The following ASIC2 variants were observed in gnomAD, a reference collection of about 807,000 sequenced individuals.
ASIC2 encodes the protein acid-sensing ion channel 2.
ASIC2 carries 25 observed loss-of-function variants against 57.3 expected under a neutral mutation model. That is an observed-to-expected ratio of 0.44 (90% CI 0.32 to 0.61). The LOEUF is 0.61. ASIC2 is among the 20% of genes least tolerant of loss of function. ASIC2 has a pLI of 0.06. For missense variants in ASIC2, 641 were observed against 738.1 expected (o/e 0.87, Z 1.52); for synonymous variants, 319 against 307.5 (o/e 1.04, Z -0.39).
chr17:33,936,420 C>T (rs879369933), intron 1 of ASIC2: 3 of 152,202 alleles, frequency 2.0e-5, no homozygotes, highest in African/African-American at 7.2e-5. Flanking sequence ...GACATGGCTC[C>T]TGTAAGTGCC....
intron 1 of ASIC2, among the ~76,000 whole-genome samples, chr17:33,192,882 T>C (rs934485181): frequency 2.0e-5 from 3 of 152,204 alleles, no homozygotes; most frequent in African/African-American, 7.2e-5. Context: ...TTTTCCGCCA[T>C]GTGATTAAAT....
intron 1 of ASIC2, among the ~76,000 whole-genome samples, chr17:33,305,724 T>C (rs1247140960): frequency 6.6e-6 from 1 of 152,112 alleles, no homozygotes; most frequent in Non-Finnish European, 1.5e-5. Context: ...AAGGACAGGA[T>C]CTATTGCAGA....
At chr17:33,441,213 T>A (rs577952757) in intron 1 of ASIC2, among the ~76,000 whole-genome samples, 142 of 152,294 alleles carry the variant, frequency 9.3e-4, no homozygotes, top group Non-Finnish European at 1.8e-3. Flanking sequence ...TGGACTCAAG[T>A]GGTCCTCCCA....
At chr17:34,097,410 T>C (rs913179028) in intron 1 of ASIC2, among the ~76,000 whole-genome samples, 4 of 152,158 alleles carry the variant, frequency 2.6e-5, no homozygotes, top group Admixed American at 6.5e-5. Context: ...CTCTACATGT[T>C]GTGGGTTGAA....
chr17:33,861,646 C>T (rs1914104763), intron 1 of ASIC2, among the ~76,000 whole-genome samples: 3 of 152,160 alleles, frequency 2.0e-5, no homozygotes. Context: ...CTTTTCTTCC[C>T]ATCCTTTCTG....
At chr17:33,854,422 C>T (rs1314331412) in intron 1 of ASIC2, among the ~76,000 whole-genome samples, 1 of 152,208 alleles carries the variant, frequency 6.6e-6, no homozygotes, top group Non-Finnish European at 1.5e-5. Context: ...TGTTTATGCA[C>T]ATGGGCATAC....
At chr17:33,100,926 G>A (rs1407535227) in intron 2 of ASIC2, among the ~76,000 whole-genome samples, 1 of 152,204 alleles carries the variant, frequency 6.6e-6, no homozygotes, top group East Asian at 1.9e-4. Context: ...TTTCCAGAAT[G>A]AAAAAAGTCA....
At chr17:34,135,422 A>G (rs1912098755) in intron 1 of ASIC2, among the ~76,000 whole-genome samples, 2 of 152,216 alleles carry the variant, frequency 1.3e-5, no homozygotes, top group African/African-American at 4.8e-5. Flanking sequence ...CCAACTCTCC[A>G]GACTGCTGGT....
intron 5 of ASIC2, 98 bp from the exon 6 acceptor site, chr17:33,024,112 G>A: frequency 2.0e-6 from 3 of 1,500,358 alleles, no homozygotes. Flanking sequence ...AATGAGCTGG[G>A]AAGGGGCACT....
chr17:33,755,228 A>T (rs1282802086), intron 1 of ASIC2, among the ~76,000 whole-genome samples: 1 of 152,202 alleles, frequency 6.6e-6, no homozygotes, highest in Non-Finnish European at 1.5e-5. Flanking sequence ...GCTGGCAGCC[A>T]CCAAAAAGCT....
At chr17:33,353,551 C>T (rs1908262725) in intron 1 of ASIC2, among the ~76,000 whole-genome samples, 1 of 152,126 alleles carries the variant, frequency 6.6e-6, no homozygotes, top group Admixed American at 6.5e-5. Context: ...GTTGCCAGGA[C>T]TGGTCTCAAA....
intron 1 of ASIC2, among the ~76,000 whole-genome samples, chr17:33,803,503 A>T (rs1912188617): frequency 6.6e-6 from 1 of 151,718 alleles, no homozygotes; most frequent in Non-Finnish European, 1.5e-5. Flanking sequence ...GATGCGGTGG[A>T]TACCTAATGT....
At chr17:33,335,914 A>G (rs748887095) in intron 1 of ASIC2, among the ~76,000 whole-genome samples, 4 of 152,156 alleles carry the variant, frequency 2.6e-5, no homozygotes, top group Non-Finnish European at 5.9e-5. Flanking sequence ...GACTCACAGG[A>G]GGGGAAGGGA....
chr17:33,836,378 C>T (rs1285658416), intron 1 of ASIC2, among the ~76,000 whole-genome samples: 1 of 151,914 alleles, frequency 6.6e-6, no homozygotes, highest in Non-Finnish European at 1.5e-5. Flanking sequence ...GATGGGATTT[C>T]ACCATGTTTC....
intron 1 of ASIC2, among the ~76,000 whole-genome samples, chr17:33,401,222 A>G (rs1314540500): frequency 6.6e-6 from 1 of 152,238 alleles, no homozygotes; most frequent in East Asian, 1.9e-4. Context: ...AGGCTAAAAA[A>G]GCATAATCTT....
chr17:33,174,790 C>A (rs115926060), intron 1 of ASIC2, among the ~76,000 whole-genome samples: 1,952 of 152,250 alleles, frequency 0.013, 48 homozygotes, highest in African/African-American at 0.043. Context: ...CCCTGAGTCA[C>A]CTGCTGTTGA....
chr17:33,818,560 A>G (rs1912656039), intron 1 of ASIC2, among the ~76,000 whole-genome samples: 1 of 152,082 alleles, frequency 6.6e-6, no homozygotes, highest in African/African-American at 2.4e-5. Flanking sequence ...ACATTTAGCA[A>G]TTTCCAGAGA....
chr17:33,706,369 G>C (rs1225060516), intron 1 of ASIC2, among the ~76,000 whole-genome samples: 3 of 151,698 alleles, frequency 2.0e-5, no homozygotes, highest in African/African-American at 7.3e-5. Flanking sequence ...GCAGGTATGT[G>C]CCACCATGAA....
At chr17:33,108,846 G>A (rs543781324) in intron 2 of ASIC2, among the ~76,000 whole-genome samples, 9 of 152,286 alleles carry the variant, frequency 5.9e-5, no homozygotes, top group African/African-American at 1.7e-4. Flanking sequence ...AGGTCATGGT[G>A]AGGGGATTGC....
Sources: gnomAD v4.1 joint callset for allele counts (sites outside exome capture counted in the v4.1 genomes callset) on GRCh38, gnomAD v4.1.1 for gene constraint, MANE v1.5 for transcripts, NCBI Gene and HGNC (gene_info 2026-07-23, HGNC 2026-07-21) for gene names.